The following NCOR2 variants were observed in gnomAD, a reference collection of about 807,000 sequenced individuals.
The protein encoded by NCOR2 is CTG repeat protein 26.
A neutral mutation model predicts 262.9 loss-of-function variants in NCOR2; 81 were observed. The observed-to-expected ratio is 0.31, with a 90% CI of 0.26 to 0.37. The LOEUF is 0.37. Ranked by LOEUF, NCOR2 falls within the 10% of genes least tolerant of loss-of-function variation. The pLI is 1.00. For synonymous variants in NCOR2, 1,659 were observed against 1,559.3 expected (o/e 1.06, Z -1.51); for missense variants, 3,385 against 3,621.4 (o/e 0.93, Z 1.68).
intron 1 of NCOR2, among the ~76,000 whole-genome samples, chr12:124,530,707 G>C (rs947153161): frequency 6.6e-6 from 1 of 152,172 alleles, no homozygotes; most frequent in Non-Finnish European, 1.5e-5. Context: ...AAATCGCTTT[G>C]CCTCTCTGCC....
chr12:124,479,643 A>G (rs2047331642), intron 3 of NCOR2, among the ~76,000 whole-genome samples: 1 of 152,260 alleles, frequency 6.6e-6, no homozygotes, highest in Non-Finnish European at 1.5e-5. Flanking sequence ...AGTTGTTCAA[A>G]TGGAAACATC....
chr12:124,338,677 C>T (rs923574637), intron 37 of NCOR2, among the ~76,000 whole-genome samples: 1 of 151,980 alleles, frequency 6.6e-6, no homozygotes, highest in Non-Finnish European at 1.5e-5. Flanking sequence ...AGAGGGACAC[C>T]TCTTTTCCTT....
chr12:124,428,013 A>C (rs929993074), intron 10 of NCOR2, among the ~76,000 whole-genome samples: 10 of 142,532 alleles, frequency 7.0e-5, no homozygotes, highest in Non-Finnish European at 1.5e-4. Flanking sequence ...GATGTCCCTG[A>C]GGACTCTGAT....
At chr12:124,419,502 G>A (rs2043095842) in intron 13 of NCOR2, among the ~76,000 whole-genome samples, 1 of 152,228 alleles carries the variant, frequency 6.6e-6, no homozygotes, top group Non-Finnish European at 1.5e-5. Context: ...AAAACGGCGA[G>A]CTGAAGTACT....
Position 124,503,613 on chromosome 12 carries a change from C to CGGACGGATGGAT in NCOR2, c.-117-8246_-117-8245insATCCATCCGTCC, listed in dbSNP as rs1555233154. Among the ~76,000 whole-genome samples, 3 of 139,222 alleles carry CGGACGGATGGAT rather than the reference C, an allele frequency of 2.2e-5. No homozygotes were observed. Among genetic ancestry groups the CGGACGGATGGAT allele is most frequent in the African/African-American group, 8.3e-5 (3 of 36,246 alleles). The allele number at this position is 139,222 out of a possible 152,430, so 91.3% of individuals were successfully genotyped here. On this transcript the variant is annotated intron_variant, in intron 1 of 46. Transcript: ENST00000404621. This position sits in a 1 kb window ranked among gnomAD's most constrained non-coding sequence, Gnocchi z 4.3. ...ACGGATGGATGGATGGACGGACGGACGGATGGATGGATGGATGGATGGGCG... is the reference window on the plus strand; with the variant it reads ...ACGGATGGATGGATGGACGGACGGACGGACGGATGGATGGATGGATGGATGGATGGATGGGCG...
chr12:124,505,129 C>G (rs2048974640), intron 1 of NCOR2, among the ~76,000 whole-genome samples: 2 of 152,112 alleles, frequency 1.3e-5, no homozygotes, highest in African/African-American at 2.4e-5. Context: ...ATAGGCTCGG[C>G]TTTCCCTATT....
At chr12:124,490,436 G>GGATT (rs1300452230) in intron 1 of NCOR2, among the ~76,000 whole-genome samples, 2 of 151,972 alleles carry the variant, frequency 1.3e-5, no homozygotes, top group African/African-American at 4.8e-5. Flanking sequence ...ATGGATGGAT[G>GGATT]GATGGATGGA....
intron 6 of NCOR2, among the ~76,000 whole-genome samples, chr12:124,450,151 C>A (rs1045139673): frequency 6.6e-6 from 1 of 152,242 alleles, no homozygotes; most frequent in African/African-American, 2.4e-5. Context: ...GAAGGGGCCA[C>A]AGCCCAGAGC....
chr12:124,507,526 C>T (rs1165246654), intron 1 of NCOR2, among the ~76,000 whole-genome samples: 2 of 152,130 alleles, frequency 1.3e-5, no homozygotes, highest in Non-Finnish European at 2.9e-5. Context: ...GTGCAGCATG[C>T]GTCCAGGCCT....
chr12:124,358,560 A>G (rs1468551269), intron 22 of NCOR2, among the ~76,000 whole-genome samples: 1 of 152,184 alleles, frequency 6.6e-6, no homozygotes, highest in Admixed American at 6.5e-5. Context: ...GGCCTCCATG[A>G]GCCTCCGGTT....
chr12:124,525,032 G>C (rs1278659376), intron 1 of NCOR2, among the ~76,000 whole-genome samples: 1 of 152,192 alleles, frequency 6.6e-6, no homozygotes, highest in Admixed American at 6.5e-5. Context: ...GAACAAAAGG[G>C]AAAGGCAAAA....
intron 1 of NCOR2, among the ~76,000 whole-genome samples, chr12:124,509,235 T>TGGG (rs1555234131): frequency 0.015 from 844 of 54,616 alleles, 63 homozygotes; most frequent in African/African-American, 0.025. Flanking sequence ...CTGGCTTTGG[T>TGGG]GGGGGGGGGG....
intron 3 of NCOR2, among the ~76,000 whole-genome samples, chr12:124,475,885 C>T (rs527914429): frequency 1.3e-5 from 2 of 152,234 alleles, no homozygotes; most frequent in East Asian, 3.9e-4. Flanking sequence ...GGGGACTCCA[C>T]GTGGGGTCCC....
chr12:124,333,198 C>T (rs769511156), exon 42 of NCOR2: 31 of 1,613,044 alleles, frequency 1.9e-5, no homozygotes, highest in Admixed American at 1.0e-4. Flanking sequence ...GCCCTGGCTC[C>T]GTCATGCCCT....
At chr12:124,458,555 G>A (rs1382151414) in intron 5 of NCOR2, among the ~76,000 whole-genome samples, 2 of 152,210 alleles carry the variant, frequency 1.3e-5, no homozygotes, top group Non-Finnish European at 2.9e-5. Flanking sequence ...CTATTACAGC[G>A]ATGGTCACTT....
intron 1 of NCOR2, among the ~76,000 whole-genome samples, chr12:124,533,012 T>C (rs837945): frequency 0.62 from 23,413 of 37,852 alleles, 6,837 homozygotes; most frequent in East Asian, 0.69. Context: ...AAATCGCACT[T>C]CTCCTTCCCC....
At chr12:124,502,771 G>A (rs1054066965) in intron 1 of NCOR2, among the ~76,000 whole-genome samples, 1 of 152,238 alleles carries the variant, frequency 6.6e-6, no homozygotes, top group Non-Finnish European at 1.5e-5. Context: ...TGGCGTCTCT[G>A]TGTTCAAAGG....
intron 38 of NCOR2, 134 bp downstream of exon 40, chr12:124,336,619 G>A: frequency 2.0e-6 from 3 of 1,488,546 alleles, no homozygotes; most frequent in East Asian, 2.5e-5. Flanking sequence ...GACGGGGTGG[G>A]TGCGGGCCGG....
rs1212114120 is a variant in NCOR2 at position 124,443,024 on chromosome 12, C to G, written c.816-5028G>C. 1.3e-5 allele frequency among the ~76,000 whole-genome samples: 2 copies of G among 152,204 alleles called. No individual in the cohort carries two copies. Among genetic ancestry groups the G allele is most frequent in the African/African-American group, 4.8e-5 (2 of 41,446 alleles). On this transcript the variant is annotated intron_variant, in intron 7 of 46. Coordinates refer to ENST00000405201, the Ensembl canonical transcript of NCOR2. The surrounding 1 kb of genome is among the most constrained non-coding windows in gnomAD (Gnocchi z 4.4). Reference sequence around the variant, plus strand: ...CTGGAACCGGCAAGGAAGCAGCCTCCCCCAGAGCCTTCTAGAGAATGTGGT... The same window carrying G: ...CTGGAACCGGCAAGGAAGCAGCCTCGCCCAGAGCCTTCTAGAGAATGTGGT...
Sources: gnomAD v4.1 joint callset for allele counts (sites outside exome capture counted in the v4.1 genomes callset) on GRCh38, gnomAD v4.1.1 for gene constraint, Gnocchi (gnomAD v3.1) non-coding constraint, MANE v1.5 for transcripts, NCBI Gene and HGNC (gene_info 2026-07-23, HGNC 2026-07-21) for gene names.